FCRL1: variants seen among roughly 807,000 people sequenced by gnomAD.
FCRL1 encodes Fc receptor like 1, also known as Fc receptor-like protein 1.
A neutral mutation model predicts 49.2 loss-of-function variants in FCRL1; 34 were observed. The ratio of observed to expected loss-of-function variants is 0.69; its 90% CI spans 0.53 to 0.92. The LOEUF (loss-of-function observed/expected upper bound fraction) is 0.92, where lower values mean the gene tolerates loss of function less well. Ranked by LOEUF, FCRL1 falls within the 40% of genes least tolerant of loss-of-function variation. The pLI is 0.00. For synonymous variants in FCRL1, 218 were observed against 201.6 expected (o/e 1.08, Z -0.69); for missense variants, 524 against 524.1 (o/e 1.00, Z 0.00).
chr1:157,810,915 C>A (rs896165342), intron 1 of FCRL1, among the ~76,000 whole-genome samples: 1 of 152,070 alleles, frequency 6.6e-6, no homozygotes, highest in African/African-American at 2.4e-5. Context: ...GCTGGGACTA[C>A]AGGCATGTGC....
chr1:157,816,994 A>G (rs1655126768), intron 1 of FCRL1, among the ~76,000 whole-genome samples: 1 of 151,948 alleles, frequency 6.6e-6, no homozygotes, highest in Non-Finnish European at 1.5e-5. Flanking sequence ...AACATAAATG[A>G]AGAAATTGAA....
At chr1:157,815,290 A>T (rs1654874736) in intron 1 of FCRL1, among the ~76,000 whole-genome samples, 1 of 151,950 alleles carries the variant, frequency 6.6e-6, no homozygotes, top group South Asian at 2.1e-4. Flanking sequence ...GAAATCAATA[A>T]CACAAGGTAC....
rs755406600 is a variant in FCRL1, at chr1:157,801,491, A to G, written c.973T>C (p.Leu325=). 2.5e-6 allele frequency: 4 copies of G among 1,613,834 alleles called. No homozygotes were observed. In the Admixed American group the frequency reaches 6.7e-5, roughly 27 times the overall value. The change falls in exon 6 of 11, where the codon TTA becomes CTA. Residue 325 remains leucine (L), a synonymous_variant. Coordinates refer to ENST00000368176, the MANE Select transcript of FCRL1 (RefSeq NM_052938.5). ...STLGPATVAL[L]FCYGLKRKIG... ...TTTCTTTTGAGGCCGTAGCAAAATA[A>G]TAAGGCCACGGTGGCTGGACCAAGG...
At chr1:157,797,739 G>A (rs1291627558) in intron 9 of FCRL1, 129 bp downstream of exon 9, 1 of 1,571,992 alleles carries the variant, frequency 6.4e-7, no homozygotes, top group African/African-American at 1.4e-5. Flanking sequence ...CAGCCATTAA[G>A]TACACACAGT....
At chr1:157,805,822 G>C (rs1260966814) in intron 2 of FCRL1, among the ~76,000 whole-genome samples, 1 of 152,172 alleles carries the variant, frequency 6.6e-6, no homozygotes, top group Non-Finnish European at 1.5e-5. Flanking sequence ...CTTGAACCCA[G>C]GAGGCAGAGG....
At chr1:157,798,969 G>A (rs1651992613) in intron 7 of FCRL1, among the ~76,000 whole-genome samples, 1 of 152,118 alleles carries the variant, frequency 6.6e-6, no homozygotes, top group African/African-American at 2.4e-5. Context: ...TTGAGTGAAT[G>A]CATGATCCTG....
In FCRL1 at chr1:157,802,137, C is replaced by T. The variant is rs148190948; in HGVS notation, c.664G>A (p.Glu222Lys). The T allele has an allele frequency of 3.0e-5, 49 of 1,614,092 alleles. No individual in the cohort carries two copies. Among genetic ancestry groups the T allele is most frequent in the Non-Finnish European group, 4.2e-5 (49 of 1,180,026 alleles). Residue 222 changes from glutamate to lysine, a missense_variant, in exon 5 of 11, where the codon GAG (glutamate) becomes AAG (lysine). By Grantham distance (56) the Glu-to-Lys change is moderately conservative. Transcript: ENST00000368176. ...LRAPRAQAAV[E>K]DVLELHCEAL... ...TCACAGTGAAGCTCCAGCACATCCT[C>T]CACTGCAGCCTGGGCCCTGGGAGCC... is the stretch of plus-strand genomic sequence containing the variant.
At chr1:157,806,994 G>A (rs569198322) in intron 2 of FCRL1, 108 bp downstream of exon 2, 2 of 1,246,064 alleles carry the variant, frequency 1.6e-6, no homozygotes, top group Non-Finnish European at 2.3e-6. Flanking sequence ...ACCCTGATAT[G>A]TTTTGGGCAG....
intron 1 of FCRL1, among the ~76,000 whole-genome samples, chr1:157,808,097 G>A (rs536574210): frequency 2.3e-4 from 35 of 152,242 alleles, no homozygotes; most frequent in Middle Eastern, 6.8e-3. Context: ...ATAGGAGAGA[G>A]CATAAAATCA....
intron 3 of FCRL1, among the ~76,000 whole-genome samples, chr1:157,802,869 G>A (rs1449572511): frequency 6.6e-6 from 1 of 152,098 alleles, no homozygotes; most frequent in African/African-American, 2.4e-5. Context: ...ACCATACAAG[G>A]CATAGCATCA....
intron 2 of FCRL1, 41 bp downstream of exon 2, chr1:157,807,061 A>T (rs762138091): frequency 1.2e-6 from 2 of 1,612,916 alleles, no homozygotes; most frequent in Non-Finnish European, 1.7e-6. Flanking sequence ...AAGTAACAAA[A>T]TACCCACAGA....
chr1:157,808,061 G>T (rs184839793), intron 1 of FCRL1, among the ~76,000 whole-genome samples: 37 of 152,300 alleles, frequency 2.4e-4, no homozygotes, highest in African/African-American at 8.7e-4. Context: ...TGAATAATTA[G>T]TTCCTTAGGT....
chr1:157,807,724 C>T (rs1403093498), intron 1 of FCRL1, among the ~76,000 whole-genome samples: 2 of 152,168 alleles, frequency 1.3e-5, no homozygotes, highest in East Asian at 1.9e-4. Flanking sequence ...AGGACTTGAC[C>T]ATAATATTAT....
chr1:157,802,468 T>G lies in FCRL1; in HGVS notation c.516A>C (p.Ser172=). Residue 172 remains serine, a synonymous_variant, in exon 4 of 11, where the codon TCA becomes TCC. Transcript: ENST00000368176. ...ATTGCTCAGCATCACTCTCCCTCAC[T>G]GAAGGAATCTCATACTCTGCTGTCA... ...RSLTAEYEIP[S]VRESDAEQYY... is the part of the protein sequence containing the mutation. 6.2e-7 allele frequency: 1 copy of G among 1,614,186 alleles called. No individual in the cohort carries two copies. Among genetic ancestry groups the G allele is most frequent in the South Asian group, 1.1e-5 (1 of 91,080 alleles).
intron 9 of FCRL1, chr1:157,797,611 G>T: frequency 2.5e-6 from 2 of 787,760 alleles, no homozygotes; most frequent in South Asian, 3.4e-5. Context: ...TAAGCCATGG[G>T]ATTTTTGCTC....
chr1:157,810,440 G>T (rs1027554806), intron 1 of FCRL1, among the ~76,000 whole-genome samples: 2 of 151,980 alleles, frequency 1.3e-5, no homozygotes, highest in Non-Finnish European at 2.9e-5. Flanking sequence ...AGGACTACAG[G>T]CTTGCACCAC....
At chr1:157,801,882 T>G in intron 5 of FCRL1, 33 bp downstream of exon 5, 2 of 1,579,672 alleles carry the variant, frequency 1.3e-6, no homozygotes, top group Middle Eastern at 1.7e-4. Context: ...GAAGGAGACA[T>G]TGACCAAGAC....
intron 2 of FCRL1, among the ~76,000 whole-genome samples, chr1:157,805,883 G>T (rs953181054): frequency 7.2e-5 from 11 of 152,108 alleles, no homozygotes; most frequent in African/African-American, 2.7e-4. Flanking sequence ...GCAACAGAGT[G>T]AGACTCTGTC....
At position 157,800,483 on chromosome 1, in the gene FCRL1, T is replaced by G. The variant is rs139106022; in HGVS notation, c.1004-398A>C. ...AGGTACCCAAATATGTCAGAAAAGC[T>G]TGGAATTTAAATGAGAATTTCACAG... On this transcript the variant is annotated intron_variant, in intron 6 of 10. Transcript: ENST00000368176. Among the ~76,000 whole-genome samples, 16 of 152,326 alleles carry G rather than the reference T, an allele frequency of 1.1e-4. No homozygotes were observed. In the East Asian group the frequency reaches 1.5e-3, roughly 15 times the overall value.
Sources: gnomAD v4.1 joint callset for allele counts (sites outside exome capture counted in the v4.1 genomes callset) on GRCh38, gnomAD v4.1.1 for gene constraint, MANE v1.5 for transcripts, NCBI Gene and HGNC (gene_info 2026-07-23, HGNC 2026-07-21) for gene names.